The following ARFIP1 variants were observed in gnomAD, a reference collection of about 807,000 sequenced individuals.
The protein encoded by ARFIP1 is arfaptin-1.
In ARFIP1, 24 loss-of-function variants were observed where a neutral mutation model predicts 42.5. The ratio of observed to expected loss-of-function variants is 0.57; its 90% CI spans 0.41 to 0.80. The LOEUF (loss-of-function observed/expected upper bound fraction) is 0.80, where lower values mean the gene tolerates loss of function less well. Ranked by LOEUF, ARFIP1 falls within the 30% of genes least tolerant of loss-of-function variation. The probability of loss-of-function intolerance (pLI) is 0.00; values close to 1 mark genes in which losing one functional copy is unlikely to be tolerated. For synonymous variants in ARFIP1, 141 were observed against 153.7 expected, an observed-to-expected ratio of 0.92 and a Z score of 0.61; for missense variants, 354 against 434.0, an observed-to-expected ratio of 0.82 and a Z score of 1.64.
intron 1 of ARFIP1, among the ~76,000 whole-genome samples, chr4:152,799,754 G>A (rs906285627): frequency 6.6e-6 from 1 of 152,170 alleles, no homozygotes; most frequent in African/African-American, 2.4e-5. Context: ...GATGATCAGA[G>A]GAAGATTGTG....
intron 8 of ARFIP1, among the ~76,000 whole-genome samples, chr4:152,899,756 G>C (rs1737664706): frequency 2.0e-5 from 3 of 152,248 alleles, no homozygotes; most frequent in Admixed American, 2.0e-4. Flanking sequence ...TATTGAGTTA[G>C]TCAGTGGACA....
chr4:152,809,559 T>G (rs531320990), intron 1 of ARFIP1: 5 of 152,328 alleles, frequency 3.3e-5, no homozygotes, highest in African/African-American at 1.2e-4. Flanking sequence ...AAATGGAATA[T>G]TCCATTGCTT....
At chr4:152,781,991 A>G (rs1730527554) in intron 1 of ARFIP1, among the ~76,000 whole-genome samples, 1 of 152,180 alleles carries the variant, frequency 6.6e-6, no homozygotes, top group Non-Finnish European at 1.5e-5. Flanking sequence ...CAGCCTCTTG[A>G]TAGATTAAAA....
rs1465000293 is a variant in ARFIP1 at position 152,910,400 on chromosome 4, T to C, written c.*181T>C. 6.2e-6 allele frequency: 4 copies of C among 649,750 alleles called. No individual in the cohort carries two copies. The highest frequency in any genetic ancestry group is 9.7e-6 in the Non-Finnish European group (4 of 413,170). 40.2% of individuals were successfully genotyped at this position (649,750 alleles called of 1,614,324 possible). On this transcript the variant is annotated 3_prime_UTR_variant, in exon 9 of 9. Transcript: ENST00000353617. ...ATTGAACTGTTAAGGGTGGTTTTAA[T>C]GTAAACATAGTTTCTATAATCTGAA...
At chr4:152,870,498 C>T (rs532494779) in intron 3 of ARFIP1, among the ~76,000 whole-genome samples, 36 of 152,282 alleles carry the variant, frequency 2.4e-4, no homozygotes, top group Non-Finnish European at 4.4e-4. Flanking sequence ...GGTTAGATGT[C>T]ATCTACCAGA....
intron 1 of ARFIP1, among the ~76,000 whole-genome samples, chr4:152,804,222 T>TATAAGATGTATTATATATAATATATAAC (rs1331325771): frequency 1.1e-3 from 52 of 48,132 alleles, no homozygotes; most frequent in South Asian, 3.9e-3. Context: ...TTATATATAA[T>TATAAGATGTATTATATATAATATATAAC]ATAACATGTA....
At chr4:152,799,645 A>G (rs564720760) in intron 1 of ARFIP1, among the ~76,000 whole-genome samples, 7 of 152,252 alleles carry the variant, frequency 4.6e-5, no homozygotes, top group Admixed American at 4.6e-4. Context: ...TTGTAGTTAC[A>G]GGTAATCCTG....
intron 8 of ARFIP1, among the ~76,000 whole-genome samples, chr4:152,892,164 C>T (rs1213526265): frequency 6.6e-6 from 1 of 152,168 alleles, no homozygotes; most frequent in Non-Finnish European, 1.5e-5. Flanking sequence ...ACCTCAGCCT[C>T]CCAAGCAGCT....
In ARFIP1 at chr4:152,856,871, A is replaced by G. The variant is rs1392839794; in HGVS notation, c.94-6735A>G. Among the ~76,000 whole-genome samples, 3 of 152,362 alleles carry G rather than the reference A, an allele frequency of 2.0e-5. 1 individual carries two copies. Among genetic ancestry groups the G allele is most frequent in the East Asian group, 3.9e-4 (2 of 5,194 alleles). ...AGTTGACCTAATGACCAAACTTGCA[A>G]AGTTTACAAATTATTTCAGTGATTT... On this transcript the variant is annotated intron_variant, in intron 2 of 8. Transcript: ENST00000353617.
At chr4:152,845,733 T>G (rs1732486022) in intron 2 of ARFIP1, among the ~76,000 whole-genome samples, 2 of 152,140 alleles carry the variant, frequency 1.3e-5, no homozygotes, top group Non-Finnish European at 2.9e-5. Flanking sequence ...AAGGGAACAC[T>G]TATACACTGT....
intron 2 of ARFIP1, among the ~76,000 whole-genome samples, chr4:152,854,321 C>T (rs1733246615): frequency 6.6e-6 from 1 of 152,084 alleles, no homozygotes; most frequent in East Asian, 1.9e-4. Flanking sequence ...CCGTTTGGTT[C>T]TTTTTTTATG....
intron 2 of ARFIP1, among the ~76,000 whole-genome samples, chr4:152,855,686 G>C (rs554722966): frequency 8.5e-5 from 13 of 152,218 alleles, no homozygotes; most frequent in Non-Finnish European, 1.9e-4. Flanking sequence ...GGGACCCAGA[G>C]TGAGCTTCCT....
At chr4:152,810,157 G>A (rs528937442) in intron 1 of ARFIP1, 1 of 152,178 alleles carries the variant, frequency 6.6e-6, no homozygotes, top group East Asian at 1.9e-4. Flanking sequence ...CATATATATT[G>A]GATTTTTAAA....
intron 8 of ARFIP1, among the ~76,000 whole-genome samples, chr4:152,891,795 A>G (rs1736872603): frequency 6.6e-6 from 1 of 151,978 alleles, no homozygotes; most frequent in Admixed American, 6.6e-5. Flanking sequence ...TGCAACCTCC[A>G]CCACCTGGGT....
intron 2 of ARFIP1, among the ~76,000 whole-genome samples, chr4:152,832,525 A>G (rs971189133): frequency 5.9e-5 from 9 of 152,134 alleles, no homozygotes; most frequent in Admixed American, 5.9e-4. Context: ...CTTCCAGTCT[A>G]TGTCTTGTTT....
Position 152,903,416 on chromosome 4 carries a change from C to T in ARFIP1, c.967-6648C>T, listed in dbSNP as rs4640654. Reference sequence around the variant, plus strand: ...GTTATAAGCCAAATTGAGAACAATTCGCTTTTTAGAAAAAAAAATAGCTTC... The same window carrying T: ...GTTATAAGCCAAATTGAGAACAATTTGCTTTTTAGAAAAAAAAATAGCTTC... On this transcript the variant is annotated intron_variant, in intron 8 of 8. Transcript: ENST00000353617. Among the ~76,000 whole-genome samples, 274 of 151,560 alleles carry T rather than the reference C, an allele frequency of 1.8e-3. 2 individuals are homozygous for T. Among genetic ancestry groups the T allele is most frequent in the African/African-American group, 6.4e-3 (264 of 41,318 alleles).
intron 2 of ARFIP1, among the ~76,000 whole-genome samples, chr4:152,830,426 GTTA>G (rs1007806166): frequency 2.6e-5 from 4 of 152,186 alleles, no homozygotes; most frequent in South Asian, 2.1e-4. Flanking sequence ...GATAGTGATG[GTTA>G]TTATTTCTGG....
intron 1 of ARFIP1, among the ~76,000 whole-genome samples, chr4:152,813,948 G>C (rs1306110253): frequency 1.3e-5 from 2 of 151,860 alleles, no homozygotes; most frequent in African/African-American, 4.8e-5. Context: ...TTTCCCTTCA[G>C]CCTGAAGAAC....
At chr4:152,780,548 TGTC>T (rs1251747640) in intron 1 of ARFIP1, among the ~76,000 whole-genome samples, 1 of 152,172 alleles carries the variant, frequency 6.6e-6, no homozygotes, top group African/African-American at 2.4e-5. Flanking sequence ...CTTGACAAAG[TGTC>T]GGAGTGGGCC....
Sources: allele counts gnomAD v4.1 joint callset (sites outside exome capture counted in the v4.1 genomes callset), GRCh38; gene constraint gnomAD v4.1.1; transcripts MANE v1.5; gene names NCBI Gene and HGNC (gene_info 2026-07-23, HGNC 2026-07-21).